Variants in ARAF observed in about 807,000 individuals in gnomAD.
ARAF encodes the protein serine/threonine-protein kinase A-Raf.
ARAF carries 18 observed loss-of-function variants against 48.0 expected under a neutral mutation model. The ratio of observed to expected loss-of-function variants is 0.37; its 90% confidence interval spans 0.26 to 0.56. The LOEUF (loss-of-function observed/expected upper bound fraction) is 0.56. Among genes scored for constraint, ARAF ranks in the 20% least tolerant of loss-of-function variants. The pLI, the probability that ARAF is intolerant of heterozygous loss-of-function variation, is 0.77. For missense variants in ARAF, 389 were observed against 543.1 expected (o/e 0.72, Z 2.82); for synonymous variants, 207 against 220.1 (o/e 0.94, Z 0.53).
rs372763934 is a variant in ARAF, at chrX:47,567,099, C to T, written c.841C>T (p.Arg281Trp). The change falls in exon 9 of 16, where the codon CGG becomes TGG. Residue 281 changes from arginine to tryptophan, a missense_variant. By Grantham distance (101) the Arg-to-Trp change is moderately radical. This residue lies in a region of ARAF where 154 missense variants were observed against 133.6 expected (regional missense o/e 1.15). Coordinates refer to ENST00000377045, the MANE Select transcript of ARAF (RefSeq NM_001654.5). ...CAAGTCACCAGCAGAGCAGCGCGAG[C>T]GGAAGTCCTTGGCCGATGACAAGAA... is the stretch of plus-strand genomic sequence containing the variant. ...HSKSPAEQRE[R>W]KSLADDKKKV... 89 of 1,209,950 alleles carry T rather than the reference C, an allele frequency of 7.4e-5. No individual in the cohort carries two copies. Among genetic ancestry groups the T allele is most frequent in the Non-Finnish European group, 9.7e-5 (87 of 895,142 alleles).
In ARAF at chrX:47,570,903, A is replaced by G. The variant is rs766573991; in HGVS notation, c.1577A>G (p.Tyr526Cys). The G allele has an allele frequency of 4.1e-5, 50 of 1,208,876 alleles. No homozygotes were observed. In the South Asian group the frequency reaches 7.4e-4, roughly 18 times the overall value. ...DQIIFMVGRG[Y>C]LSPDLSKISS... ...ATTATCTTTATGGTGGGCCGTGGCT[A>G]TCTGTCCCCGGACCTCAGCAAAATC... Residue 526 changes from tyrosine to cysteine, a missense_variant, in exon 15 of 16, where the codon TAT (tyrosine) becomes TGT (cysteine). Coordinates refer to ENST00000377045, the MANE Select transcript of ARAF (RefSeq NM_001654.5).
At position 47,567,439 on chromosome X, in the gene ARAF, T is replaced by C. The variant is rs1385563506; in HGVS notation, c.1076+7T>C. ...ATGAGATGCAGGTGCTCAGGTGAGGTGGCATGTGTGCGTGGATGGGGGTGG... is the reference window on the plus strand; with the variant it reads ...ATGAGATGCAGGTGCTCAGGTGAGGCGGCATGTGTGCGTGGATGGGGGTGG... On this transcript the variant is annotated splice_region_variant and intron_variant, in intron 10 of 15. Transcript: ENST00000377045. The C allele has an allele frequency of 8.4e-7, 1 of 1,196,150 alleles. No individual in the cohort carries two copies. Among genetic ancestry groups the C allele is most frequent in the East Asian group, 3.0e-5 (1 of 33,200 alleles).
intron 14 of ARAF, among the ~76,000 whole-genome samples, chrX:47,570,504 C>A (rs993097326): frequency 9.0e-6 from 1 of 110,661 alleles, no homozygotes; most frequent in East Asian, 2.8e-4. Flanking sequence ...ATCTAGCAGG[C>A]CCCAGGGCCG....
At position 47,566,695 on chromosome X, in the gene ARAF, C is replaced by A. The variant is rs1470345765; in HGVS notation, c.614C>A (p.Ala205Asp). 1 of 1,199,528 alleles carries A rather than the reference C, an allele frequency of 8.3e-7. No individual in the cohort carries two copies. The highest frequency in any genetic ancestry group is 1.8e-5 in the South Asian group (1 of 54,732). The change falls in exon 7 of 16, where the codon GCC (alanine) becomes GAC (aspartate). Residue 205 changes from alanine (A) to aspartate (D), a missense_variant. Physicochemically the swap from Ala to Asp is moderately radical, Grantham distance 126 (BLOSUM62 -2). Coordinates refer to ENST00000377045, the MANE Select transcript of ARAF (RefSeq NM_001654.5). ...TTCCCCTTCCCTGCCCCAGCCAATGCCCCCCTACAGCGCATCCGCTCCACG... is the reference window on the plus strand; with the variant it reads ...TTCCCCTTCCCTGCCCCAGCCAATGACCCCCTACAGCGCATCCGCTCCACG... ...EHFPFPAPAN[A>D]PLQRIRSTST...
In ARAF at chrX:47,571,766, T is replaced by C; in HGVS notation, c.*309T>C. 1 of 276,365 alleles carries C rather than the reference T, an allele frequency of 3.6e-6. No homozygotes were observed. Among genetic ancestry groups the C allele is most frequent in the Non-Finnish European group, 6.3e-6 (1 of 158,363 alleles). 22.8% of individuals were successfully genotyped at this position (276,365 alleles called of 1,213,427 possible). On this transcript the variant is annotated 3_prime_UTR_variant, in exon 16 of 16. Coordinates refer to ENST00000377045, the MANE Select transcript of ARAF (RefSeq NM_001654.5). ...GCAGGGATTCCACTCAGAACCTCTC[T>C]GGAATTTGTGCCTGATGTGCCTTCC...
chrX:47,561,543 G>A (rs1321525665), intron 1 of ARAF, among the ~76,000 whole-genome samples: 2 of 111,540 alleles, frequency 1.8e-5, no homozygotes, highest in African/African-American at 6.5e-5. Context: ...GAGTGGTGCC[G>A]GGATTCCGTC....
chrX:47,564,806 G>A lies in ARAF; in HGVS notation c.210G>A (p.Thr70=), dbSNP rs753329721. Residue 70 remains threonine, a synonymous_variant, in exon 4 of 16, where the codon ACG becomes ACA. Transcript: ENST00000377045. The stretch of plus-strand genomic sequence containing the variant: ...TCCATGCCCCCTGCAGACGAAAGAC[G>A]GTCACTGCCTGGGACACAGCCATTG... ...VVYRLIKGRK[T]VTAWDTAIAP... is the part of the protein sequence containing the mutation. 9 of 1,202,630 alleles carry A rather than the reference G, an allele frequency of 7.5e-6. No individual in the cohort carries two copies. Among genetic ancestry groups the A allele is most frequent in the Admixed American group, 2.2e-5 (1 of 44,824 alleles).
In ARAF at chrX:47,571,854, C is replaced by T. The variant is rs777024024; in HGVS notation, c.*397C>T. ...TGGGGGGTCCCTTTTGTGTCTCCCCCGCCATTCAAGGACTCCTCTCTTTCT... is the reference window on the plus strand; with the variant it reads ...TGGGGGGTCCCTTTTGTGTCTCCCCTGCCATTCAAGGACTCCTCTCTTTCT... On this transcript the variant is annotated 3_prime_UTR_variant, in exon 16 of 16. Coordinates refer to ENST00000377045, the MANE Select transcript of ARAF (RefSeq NM_001654.5). The T allele has an allele frequency of 1.3e-4, 25 of 193,274 alleles. No individual in the cohort carries two copies. Among genetic ancestry groups the T allele is most frequent in the African/African-American group, 4.4e-4 (15 of 34,099 alleles). 15.9% of individuals were successfully genotyped at this position (193,274 alleles called of 1,213,427 possible).
chrX:47,564,263 C>T (rs1226055628), intron 3 of ARAF, among the ~76,000 whole-genome samples: 1 of 111,532 alleles, frequency 9.0e-6, no homozygotes, highest in Non-Finnish European at 1.9e-5. Context: ...CACCCTGGTC[C>T]ATCACTTCTG....
intron 14 of ARAF, among the ~76,000 whole-genome samples, chrX:47,570,633 C>T (rs375576564): frequency 7.2e-5 from 8 of 110,803 alleles, no homozygotes; most frequent in African/African-American, 9.9e-5. Flanking sequence ...CCTAGAAACC[C>T]GTGGGCCTAT....
chrX:47,563,573 G>A (rs1020385401), intron 3 of ARAF, among the ~76,000 whole-genome samples: 4 of 112,160 alleles, frequency 3.6e-5, no homozygotes, highest in African/African-American at 1.3e-4. Context: ...ACCCATAAAT[G>A]TAATGCCTTT....
Position 47,571,725 on chromosome X carries a change from A to G in ARAF, c.*268A>G, listed in dbSNP as rs976329018. ...AATTTTGGGAGCTCCTCCATCTCCAATGGCTGGGATTTGTGGCAGGGATTC... is the reference window on the plus strand; with the variant it reads ...AATTTTGGGAGCTCCTCCATCTCCAGTGGCTGGGATTTGTGGCAGGGATTC... On this transcript the variant is annotated 3_prime_UTR_variant, in exon 16 of 16. Transcript: ENST00000377045. 3.0e-6 allele frequency: 1 copy of G among 333,377 alleles called. No homozygotes were observed. The highest frequency in any genetic ancestry group is 5.8e-5 in the South Asian group (1 of 17,159). 27.5% of individuals were successfully genotyped at this position (333,377 alleles called of 1,213,427 possible). A position where few individuals can be genotyped will look rare whatever the true frequency, so the allele number is the denominator to read the frequency against.
intron 14 of ARAF, 125 bp downstream of exon 14, chrX:47,570,149 A>T: frequency 1.2e-6 from 1 of 838,421 alleles, no homozygotes; most frequent in Non-Finnish European, 1.6e-6. Flanking sequence ...ATTTTCTAGG[A>T]TAAGGACTCC....
chrX:47,570,136 A>G, intron 14 of ARAF, 112 bp downstream of exon 14: 2 of 937,803 alleles, frequency 2.1e-6, no homozygotes, highest in Non-Finnish European at 2.9e-6. Flanking sequence ...CCAGAAACCT[A>G]AAATTTTCTA....
chrX:47,571,842 T>C lies in ARAF; in HGVS notation c.*385T>C, dbSNP rs1475493040. 5.0e-6 allele frequency: 1 copy of C among 199,920 alleles called. No individual in the cohort carries two copies. Among genetic ancestry groups the C allele is most frequent in the African/African-American group, 2.9e-5 (1 of 34,261 alleles). 16.5% of individuals were successfully genotyped at this position (199,920 alleles called of 1,213,427 possible). On this transcript the variant is annotated 3_prime_UTR_variant, in exon 16 of 16. Transcript: ENST00000377045. ...CCATGTGGATTTTGGGGGGTCCCTTTTGTGTCTCCCCCGCCATTCAAGGAC... is the reference window on the plus strand; with the variant it reads ...CCATGTGGATTTTGGGGGGTCCCTTCTGTGTCTCCCCCGCCATTCAAGGAC...
In ARAF at chrX:47,568,748, T is replaced by C. The variant is rs750008187; in HGVS notation, c.1107T>C (p.Phe369=). The C allele has an allele frequency of 5.8e-6, 7 of 1,211,775 alleles. No individual in the cohort carries two copies. The highest frequency in any genetic ancestry group is 4.6e-4 in the Middle Eastern group (2 of 4,355). ...RKTRHVNILL[F]MGFMTRPGFA... is the part of the protein sequence containing the mutation. ...CGCGACATGTCAACATCTTGCTGTTTATGGGCTTCATGACCCGGCCGGGAT... is the reference window on the plus strand; with the variant it reads ...CGCGACATGTCAACATCTTGCTGTTCATGGGCTTCATGACCCGGCCGGGAT... The change falls in exon 11 of 16, where the codon TTT becomes TTC. Residue 369 remains phenylalanine, a synonymous_variant. Coordinates refer to ENST00000377045, the MANE Select transcript of ARAF (RefSeq NM_001654.5).
Position 47,570,904 on chromosome X carries a change from T to C in ARAF, c.1578T>C (p.Tyr526=). Residue 526 remains tyrosine (Y), a synonymous_variant, in exon 15 of 16, where the codon TAT becomes TAC. Coordinates refer to ENST00000377045, the MANE Select transcript of ARAF (RefSeq NM_001654.5). The part of the protein sequence containing the change: ...DQIIFMVGRG[Y]LSPDLSKISS... ...TTATCTTTATGGTGGGCCGTGGCTATCTGTCCCCGGACCTCAGCAAAATCT... is the reference window on the plus strand; with the variant it reads ...TTATCTTTATGGTGGGCCGTGGCTACCTGTCCCCGGACCTCAGCAAAATCT... 2 of 1,209,651 alleles carry C rather than the reference T, an allele frequency of 1.7e-6. No individual in the cohort carries two copies. Among genetic ancestry groups the C allele is most frequent in the African/African-American group, 1.7e-5 (1 of 57,275 alleles).
Position 47,562,943 on chromosome X carries a change from C to T in ARAF, c.-25C>T. ...GGCACCTGCCCAGCCCCACCTCAGC[C>T]CATCTTGACAAAATCTAAGGCTCCA... is the stretch of plus-strand genomic sequence containing the variant. On this transcript the variant is annotated 5_prime_UTR_variant, in exon 2 of 16. Transcript: ENST00000377045. 3.5e-6 allele frequency: 4 copies of T among 1,128,272 alleles called. No homozygotes were observed. Among genetic ancestry groups the T allele is most frequent in the Non-Finnish European group, 4.7e-6 (4 of 845,142 alleles). The allele number at this position is 1,128,272 out of a possible 1,213,427, so 93.0% of individuals were successfully genotyped here.
chrX:47,571,489 A>G lies in ARAF; in HGVS notation c.*32A>G. 8.4e-7 allele frequency: 1 copy of G among 1,185,956 alleles called. No individual in the cohort carries two copies. The highest frequency in any genetic ancestry group is 1.1e-6 in the Non-Finnish European group (1 of 883,407). On this transcript the variant is annotated 3_prime_UTR_variant, in exon 16 of 16. Coordinates refer to ENST00000377045, the MANE Select transcript of ARAF (RefSeq NM_001654.5). Reference sequence around the variant, plus strand: ...CCCAAGCCACCAGGGAGCCAATCTCAGCCCTCCACGCCAAGGAGCCTTGCC... The same window carrying G: ...CCCAAGCCACCAGGGAGCCAATCTCGGCCCTCCACGCCAAGGAGCCTTGCC...
Sources: gnomAD v4.1 joint callset for allele counts (sites outside exome capture counted in the v4.1 genomes callset) on GRCh38, gnomAD v4.1.1 for gene constraint, gnomAD v4.1.1 regional missense constraint, MANE v1.5 for transcripts, NCBI Gene and HGNC (gene_info 2026-07-23, HGNC 2026-07-21) for gene names.